Variants in ADAMTSL1 observed in about 807,000 individuals in gnomAD.
ADAMTSL1 encodes ADAMTS-like protein 1.
A neutral mutation model predicts 201.8 loss-of-function variants in ADAMTSL1; 126 were observed. The observed-to-expected ratio is 0.62, with a 90% confidence interval of 0.54 to 0.72. ADAMTSL1 has a LOEUF of 0.72. Among genes scored for constraint, ADAMTSL1 ranks in the 30% least tolerant of loss-of-function variants. The probability of loss-of-function intolerance (pLI) is 0.00; values close to 1 mark genes in which losing one functional copy is unlikely to be tolerated. For missense variants in ADAMTSL1, 2,679 were observed against 2,277.8 expected, an observed-to-expected ratio of 1.18 and a Z score of -3.59; for synonymous variants, 1,121 against 903.4, an observed-to-expected ratio of 1.24 and a Z score of -4.32.
intron 1 of ADAMTSL1, among the ~76,000 whole-genome samples, chr9:18,118,925 A>T (rs774570136): frequency 6.6e-6 from 1 of 152,136 alleles, no homozygotes; most frequent in Non-Finnish European, 1.5e-5. Flanking sequence ...TTGACTTTTA[A>T]ATTCATAGTA....
At chr9:17,949,651 C>G (rs1393793175) in intron 1 of ADAMTSL1, among the ~76,000 whole-genome samples, 1 of 152,184 alleles carries the variant, frequency 6.6e-6, no homozygotes, top group Admixed American at 6.6e-5. Flanking sequence ...TTATTGCTCA[C>G]AGGCAGCATG....
At chr9:18,533,417 T>G (rs1004943174) in intron 3 of ADAMTSL1, 125 bp downstream of exon 3, 2 of 605,394 alleles carry the variant, frequency 3.3e-6, no homozygotes, top group African/African-American at 3.8e-5. Flanking sequence ...TATCTCATAC[T>G]GTACTGATTA....
intron 2 of ADAMTSL1, among the ~76,000 whole-genome samples, chr9:18,186,084 C>G (rs898585350): frequency 2.6e-5 from 4 of 152,148 alleles, no homozygotes; most frequent in Admixed American, 1.3e-4. Context: ...GCTGAGAATT[C>G]AAGTACCACG....
At chr9:18,878,285 C>A (rs1252088557) in intron 23 of ADAMTSL1, among the ~76,000 whole-genome samples, 1 of 152,228 alleles carries the variant, frequency 6.6e-6, no homozygotes, top group Non-Finnish European at 1.5e-5. Flanking sequence ...TCCCTGTTAA[C>A]CCCCCTCCCC....
In ADAMTSL1 at chr9:18,518,274, G is replaced by A. The variant is rs531069387; in HGVS notation, c.191+13318G>A. Among the ~76,000 whole-genome samples the A allele has an allele frequency of 4.6e-5, 7 of 152,192 alleles. No individual in the cohort carries two copies. In the East Asian group the frequency reaches 1.4e-3, roughly 29 times the overall value. The stretch of plus-strand genomic sequence containing the variant: ...AAATATTGAACGTCGTACTCAATAG[G>A]CAGTTTTTCCACCCCGCCCCCCAAC... On this transcript the variant is annotated intron_variant, in intron 2 of 28. Coordinates refer to ENST00000380548, the MANE Select transcript of ADAMTSL1 (RefSeq NM_001040272.6).
At chr9:18,457,351 A>G (rs535734291) in intron 2 of ADAMTSL1, among the ~76,000 whole-genome samples, 1 of 152,242 alleles carries the variant, frequency 6.6e-6, no homozygotes, top group African/African-American at 2.4e-5. Context: ...TTTTGTTTTT[A>G]GAAACAGGGT....
Position 18,906,898 on chromosome 9 carries a change from C to A in ADAMTSL1, c.5168C>A (p.Thr1723Asn). The A allele has an allele frequency of 6.2e-7, 1 of 1,613,948 alleles. No individual in the cohort carries two copies. The highest frequency in any genetic ancestry group is 1.1e-5 in the South Asian group (1 of 91,066). The change falls in exon 28 of 29, where the codon ACC (threonine) becomes AAC (asparagine). Residue 1723 changes from threonine to asparagine, a missense_variant. By Grantham distance (65) the Thr-to-Asn change is moderately conservative. Coordinates refer to ENST00000380548, the MANE Select transcript of ADAMTSL1 (RefSeq NM_001040272.6). ...GCCAACTGGCAGCGCTGCAACATCA[C>A]CCCATGTGAAAACAGTATGTTCCAA... is the stretch of plus-strand genomic sequence containing the variant. Reference protein sequence around the residue: ...RPANWQRCNITPCENMECRDT... With the variant: ...RPANWQRCNINPCENMECRDT...
At chr9:18,588,606 C>A (rs1032528765) in intron 4 of ADAMTSL1, among the ~76,000 whole-genome samples, 1 of 152,022 alleles carries the variant, frequency 6.6e-6, no homozygotes, top group African/African-American at 2.4e-5. Flanking sequence ...ACATTTAAGT[C>A]TTTAATCAAT....
intron 16 of ADAMTSL1, among the ~76,000 whole-genome samples, chr9:18,759,467 T>C (rs1360911487): frequency 1.3e-5 from 2 of 152,228 alleles, no homozygotes; most frequent in Non-Finnish European, 2.9e-5. Flanking sequence ...ATCAGTTTTG[T>C]TATATTCCAG....
chr9:18,807,405 G>A (rs1241233766), intron 20 of ADAMTSL1, among the ~76,000 whole-genome samples: 2 of 152,180 alleles, frequency 1.3e-5, no homozygotes, highest in Non-Finnish European at 1.5e-5. Context: ...AGCACTCTGG[G>A]AGGCCGAGGC....
chr9:18,592,671 T>C (rs1824000838), intron 4 of ADAMTSL1, among the ~76,000 whole-genome samples: 1 of 152,176 alleles, frequency 6.6e-6, no homozygotes, highest in African/African-American at 2.4e-5. Flanking sequence ...CTCAGTTTTG[T>C]TCTTTTTGCT....
At chr9:18,451,155 T>C (rs1379937586) in intron 2 of ADAMTSL1, among the ~76,000 whole-genome samples, 1 of 152,182 alleles carries the variant, frequency 6.6e-6, no homozygotes, top group African/African-American at 2.4e-5. Flanking sequence ...TGCCGTTCAG[T>C]TCAAGGAAAA....
chr9:18,647,546 A>G (rs1827899783), intron 7 of ADAMTSL1, among the ~76,000 whole-genome samples: 1 of 150,378 alleles, frequency 6.6e-6, no homozygotes, highest in South Asian at 2.2e-4. Flanking sequence ...TTCCCTCTAC[A>G]CACTGCTTTG....
At chr9:17,964,427 T>G (rs904425818) in intron 1 of ADAMTSL1, among the ~76,000 whole-genome samples, 2 of 152,092 alleles carry the variant, frequency 1.3e-5, no homozygotes, top group African/African-American at 4.8e-5. Flanking sequence ...GAAAACAAAT[T>G]AGTGGTAGCC....
intron 2 of ADAMTSL1, among the ~76,000 whole-genome samples, chr9:18,213,678 C>A (rs13285216): frequency 1.3e-5 from 2 of 151,982 alleles, no homozygotes; most frequent in Non-Finnish European, 2.9e-5. Context: ...ATAGCACATA[C>A]GGAAACCTCA....
intron 23 of ADAMTSL1, among the ~76,000 whole-genome samples, chr9:18,860,114 T>C (rs1429449390): frequency 1.3e-5 from 2 of 152,268 alleles, no homozygotes; most frequent in Non-Finnish European, 2.9e-5. Flanking sequence ...TGTGAGCTTT[T>C]AGTCTATAAT....
chr9:18,227,354 T>C (rs1306166766), intron 2 of ADAMTSL1, among the ~76,000 whole-genome samples: 1 of 151,910 alleles, frequency 6.6e-6, no homozygotes, highest in East Asian at 1.9e-4. Context: ...TTAGTGGGAG[T>C]GGGAAGATAG....
At chr9:18,849,036 G>C (rs1030001501) in intron 23 of ADAMTSL1, among the ~76,000 whole-genome samples, 8 of 152,218 alleles carry the variant, frequency 5.3e-5, no homozygotes, top group South Asian at 2.1e-4. Context: ...ACCTCAATGA[G>C]TCTGCCTTTC....
At chr9:18,378,479 T>G (rs1441329193) in intron 2 of ADAMTSL1, among the ~76,000 whole-genome samples, 1 of 152,196 alleles carries the variant, frequency 6.6e-6, no homozygotes, top group African/African-American at 2.4e-5. Context: ...AGATGAGATA[T>G]ATCAACTTAA....
Sources: allele counts gnomAD v4.1 joint callset (sites outside exome capture counted in the v4.1 genomes callset), GRCh38; gene constraint gnomAD v4.1.1; transcripts MANE v1.5; gene names NCBI Gene and HGNC (gene_info 2026-07-23, HGNC 2026-07-21).